The following SLC8A1 variants were observed in gnomAD, a reference collection of about 807,000 sequenced individuals.
SLC8A1 encodes solute carrier family 8 member A1, also known as sodium/calcium exchanger 1.
A neutral mutation model predicts 68.3 loss-of-function variants in SLC8A1; 18 were observed. That is an observed-to-expected ratio of 0.26 (90% CI 0.18 to 0.39). The LOEUF (loss-of-function observed/expected upper bound fraction) is 0.39. Among genes scored for constraint, SLC8A1 ranks in the 10% least tolerant of loss-of-function variants. The probability of loss-of-function intolerance (pLI) is 1.00; values close to 1 mark genes in which losing one functional copy is unlikely to be tolerated. For synonymous variants in SLC8A1, 475 were observed against 415.5 expected (o/e 1.14, Z -1.74); for missense variants, 985 against 1,156.7 (o/e 0.85, Z 2.15).
At chr2:40,326,471 G>T (rs929625161) in intron 2 of SLC8A1, among the ~76,000 whole-genome samples, 1 of 152,050 alleles carries the variant, frequency 6.6e-6, no homozygotes, top group Non-Finnish European at 1.5e-5. Flanking sequence ...GTGAAGAAAG[G>T]GAACATCAGA....
chr2:40,101,748 A>G (rs2033903798), exon 8 of SLC8A1: 1 of 152,142 alleles, frequency 6.6e-6, no homozygotes, highest in African/African-American at 2.4e-5. Flanking sequence ...TTGGCCACTC[A>G]GAATGCTGTG....
intron 2 of SLC8A1, chr2:40,189,668 C>G (rs570685586): frequency 1.3e-5 from 2 of 152,190 alleles, no homozygotes; most frequent in East Asian, 3.9e-4. Context: ...TTGAGAAATG[C>G]AGAAATGAAG....
At chr2:40,146,370 G>T (rs2042463624) in intron 6 of SLC8A1, among the ~76,000 whole-genome samples, 1 of 152,064 alleles carries the variant, frequency 6.6e-6, no homozygotes, top group South Asian at 2.1e-4. Flanking sequence ...CACAATCCAG[G>T]TTTAGAGTCT....
chr2:40,452,327 T>G (rs2149882211), upstream of SLC8A1, among the ~76,000 whole-genome samples: 1 of 152,044 alleles, frequency 6.6e-6, no homozygotes, highest in South Asian at 2.1e-4. Context: ...CCGGCGCGTT[T>G]CTGGAGCACC....
At chr2:40,200,253 T>TAA (rs1553408042) in intron 2 of SLC8A1, among the ~76,000 whole-genome samples, 3,349 of 35,072 alleles carry the variant, frequency 0.095, 491 homozygotes, top group Non-Finnish European at 0.15. Flanking sequence ...TATATATATA[T>TAA]ATATATATAT....
chr2:40,142,850 A>T (rs115922326), intron 6 of SLC8A1, among the ~76,000 whole-genome samples: 156 of 152,186 alleles, frequency 1.0e-3, no homozygotes, highest in Non-Finnish European at 1.5e-3. Flanking sequence ...TCAACATGCT[A>T]GGTCCTAAGG....
At chr2:40,212,562 T>C (rs1361862085) in intron 2 of SLC8A1, among the ~76,000 whole-genome samples, 2 of 152,142 alleles carry the variant, frequency 1.3e-5, no homozygotes, top group Non-Finnish European at 2.9e-5. Context: ...GGATTACAGA[T>C]GTGAGCCACC....
At chr2:40,173,846 C>G (rs1298911590) in intron 4 of SLC8A1, among the ~76,000 whole-genome samples, 2 of 152,138 alleles carry the variant, frequency 1.3e-5, no homozygotes, top group Admixed American at 6.5e-5. Context: ...GACAGACCTA[C>G]TGTTTAAATA....
rs1683496441 is a variant in SLC8A1 at position 40,386,224 on chromosome 2, T to C, written c.1808+42249A>G. Among the ~76,000 whole-genome samples the C allele has an allele frequency of 2.6e-5, 4 of 151,472 alleles. No homozygotes were observed. The South Asian group carries it at 6.2e-4, about 23-fold the overall frequency. ...TACGTGGAAATCTTAAATGACTACC[T>C]GTTATTAATACAGCTGGAGATAATT... On this transcript the variant is annotated intron_variant, in intron 2 of 7. Transcript: ENST00000406785.
intron 7 of SLC8A1, among the ~76,000 whole-genome samples, chr2:40,122,474 A>G (rs2037128645): frequency 6.6e-6 from 1 of 152,214 alleles, no homozygotes; most frequent in Admixed American, 6.5e-5. Context: ...AAGCAGCGAT[A>G]AGTAAAAAGT....
chr2:40,208,344 CAT>C (rs1372179444), intron 2 of SLC8A1: 1 of 152,136 alleles, frequency 6.6e-6, no homozygotes, highest in Admixed American at 6.6e-5. Flanking sequence ...CAGATATACA[CAT>C]GACAGATAAC....
At chr2:40,501,563 T>C (rs13001437) in intron 1 of SLC8A1, among the ~76,000 whole-genome samples, 6,249 of 152,208 alleles carry the variant, frequency 0.041, 453 homozygotes, top group East Asian at 0.35. Flanking sequence ...TTGGGAAATG[T>C]ATCTGTAACT....
chr2:40,330,586 C>A (rs1369696898), intron 2 of SLC8A1, among the ~76,000 whole-genome samples: 4 of 152,024 alleles, frequency 2.6e-5, no homozygotes, highest in African/African-American at 9.7e-5. Flanking sequence ...CAAGCAGGGA[C>A]ACACACACAC....
At chr2:40,152,542 T>C (rs1412926410) in intron 6 of SLC8A1, among the ~76,000 whole-genome samples, 2 of 152,048 alleles carry the variant, frequency 1.3e-5, no homozygotes, top group Non-Finnish European at 2.9e-5. Context: ...GCGGCTGGGA[T>C]TTCAGGTGTG....
intron 2 of SLC8A1, among the ~76,000 whole-genome samples, chr2:40,312,107 T>G (rs2073788396): frequency 6.6e-6 from 1 of 152,158 alleles, no homozygotes; most frequent in African/African-American, 2.4e-5. Flanking sequence ...AGCTTCAGGC[T>G]GACTACATTG....
At chr2:40,291,380 G>A (rs2069284879) in intron 2 of SLC8A1, among the ~76,000 whole-genome samples, 1 of 152,122 alleles carries the variant, frequency 6.6e-6, no homozygotes, top group Non-Finnish European at 1.5e-5. Context: ...AATTTAAAAA[G>A]TAAATCAATG....
intron 6 of SLC8A1, among the ~76,000 whole-genome samples, chr2:40,158,077 T>C (rs2044917914): frequency 1.3e-5 from 2 of 152,192 alleles, no homozygotes; most frequent in South Asian, 4.1e-4. Flanking sequence ...TAGCGAGATA[T>C]ATTGAGTTAA....
At chr2:40,177,398 T>A (rs1328569765) in intron 3 of SLC8A1, among the ~76,000 whole-genome samples, 1 of 152,240 alleles carries the variant, frequency 6.6e-6, no homozygotes, top group Admixed American at 6.5e-5. Context: ...AAGTCGTCTT[T>A]ATCACTAAAA....
rs1407951178 is a variant in SLC8A1, at chr2:40,200,245, T to TAC, written c.1809-22391_1809-22390insGT. Among the ~76,000 whole-genome samples the TAC allele has an allele frequency of 1.8e-3, 31 of 16,854 alleles. 2 individuals are homozygous for TAC. Among genetic ancestry groups the TAC allele is most frequent in the African/African-American group, 3.3e-3 (22 of 6,656 alleles). The allele number at this position is 16,854 out of a possible 152,430, so 11.1% of individuals were successfully genotyped here. A position where few individuals can be genotyped will look rare whatever the true frequency, so the allele number is the denominator to read the frequency against. ...TTTTTTATATATATATATAAATATA[T>TAC]ATATATATATATATATATATATAAC... On this transcript the variant is annotated intron_variant, in intron 2 of 7. Transcript: ENST00000406785.
Sources: gnomAD v4.1 joint callset for allele counts (sites outside exome capture counted in the v4.1 genomes callset) on GRCh38, gnomAD v4.1.1 for gene constraint, MANE v1.5 for transcripts, NCBI Gene and HGNC (gene_info 2026-07-23, HGNC 2026-07-21) for gene names.